The following RASSF3 variants were observed in gnomAD, a reference collection of about 807,000 sequenced individuals.
The protein encoded by RASSF3 is Ras association domain family member 3.
A neutral mutation model predicts 19.9 loss-of-function variants in RASSF3; 19 were observed. That is an observed-to-expected ratio of 0.96 (90% CI 0.67 to 1.40). The LOEUF is 1.40. Among genes scored for constraint, RASSF3 ranks in the 40% most tolerant of loss-of-function variants. The pLI, the probability that RASSF3 is intolerant of heterozygous loss-of-function variation, is 0.00. For synonymous variants in RASSF3, 110 were observed against 104.2 expected (o/e 1.06, Z -0.34); for missense variants, 306 against 289.8 (o/e 1.06, Z -0.41).
chr12:64,524,234 A>G (rs555430351), intron 1 of RASSF3, among the ~76,000 whole-genome samples: 93 of 138,940 alleles, frequency 6.7e-4, no homozygotes, highest in African/African-American at 2.7e-3. Context: ...TTATTTATTT[A>G]TTTATTTATT....
chr12:64,645,648 A>G (rs1438308618), intron 1 of RASSF3, among the ~76,000 whole-genome samples: 1 of 152,182 alleles, frequency 6.6e-6, no homozygotes, highest in African/African-American at 2.4e-5. Flanking sequence ...ATCCTTACCA[A>G]AAAAAGAGAA....
At chr12:64,587,159 A>G (rs1258160507) in intron 2 of RASSF3, among the ~76,000 whole-genome samples, 6 of 134,488 alleles carry the variant, frequency 4.5e-5, no homozygotes, top group African/African-American at 1.4e-4. Flanking sequence ...GGTTCAAGCG[A>G]TTCTCCTGTC....
At chr12:64,634,332 GA>G (rs1185727706) in intron 1 of RASSF3, among the ~76,000 whole-genome samples, 44 of 136,140 alleles carry the variant, frequency 3.2e-4, no homozygotes, top group African/African-American at 9.3e-4. Flanking sequence ...TTCCTACTTT[GA>G]AAAAAAAATT....
At chr12:64,551,495 G>C (rs1869163319) in intron 2 of RASSF3, among the ~76,000 whole-genome samples, 1 of 152,080 alleles carries the variant, frequency 6.6e-6, no homozygotes, top group Non-Finnish European at 1.5e-5. Context: ...ACGATCACTT[G>C]AACCTGGGAG....
chr12:64,660,736 G>GA (rs1032227380), intron 1 of RASSF3, among the ~76,000 whole-genome samples: 1 of 151,960 alleles, frequency 6.6e-6, no homozygotes, highest in African/African-American at 2.4e-5. Context: ...AGGAGCTTTT[G>GA]AAAAAAAATT....
chr12:64,672,269 G>A (rs1203320844), intron 1 of RASSF3, among the ~76,000 whole-genome samples: 1 of 151,634 alleles, frequency 6.6e-6, no homozygotes, highest in African/African-American at 2.4e-5. Flanking sequence ...TCTGTCACCC[G>A]GGCTGGAGTG....
intron 2 of RASSF3, among the ~76,000 whole-genome samples, chr12:64,574,298 G>A (rs1313667420): frequency 1.3e-4 from 20 of 149,908 alleles, no homozygotes; most frequent in East Asian, 2.0e-4. Flanking sequence ...GCGACAGAGC[G>A]AGACTCTGTC....
chr12:64,667,455 G>A (rs1341270077), intron 1 of RASSF3, among the ~76,000 whole-genome samples: 8 of 152,120 alleles, frequency 5.3e-5, no homozygotes, highest in Admixed American at 5.2e-4. Context: ...GCCTCCCAAA[G>A]TACTGGGATT....
chr12:64,512,435 G>A (rs1462047621), intron 1 of RASSF3, among the ~76,000 whole-genome samples: 1 of 152,040 alleles, frequency 6.6e-6, no homozygotes, highest in Non-Finnish European at 1.5e-5. Flanking sequence ...AACATGGTGA[G>A]GGCCCCATCT....
intron 2 of RASSF3, among the ~76,000 whole-genome samples, chr12:64,599,848 C>T (rs993971676): frequency 1.3e-4 from 19 of 151,506 alleles, no homozygotes; most frequent in African/African-American, 4.1e-4. Context: ...CTGGCTAACA[C>T]GGTGAAACCC....
chr12:64,634,446 G>A (rs1355492976), intron 1 of RASSF3, among the ~76,000 whole-genome samples: 1 of 151,796 alleles, frequency 6.6e-6, no homozygotes, highest in African/African-American at 2.4e-5. Flanking sequence ...TTACATGTGT[G>A]AGCCACTGCA....
chr12:64,525,677 C>T (rs149625250), intron 1 of RASSF3, among the ~76,000 whole-genome samples: 260 of 152,218 alleles, frequency 1.7e-3, no homozygotes, highest in African/African-American at 3.4e-3. Flanking sequence ...CAGTGGTGAG[C>T]GTGGGCGAAA....
intron 1 of RASSF3, among the ~76,000 whole-genome samples, chr12:64,655,531 T>G (rs540818797): frequency 6.6e-6 from 1 of 152,142 alleles, no homozygotes; most frequent in South Asian, 2.1e-4. Context: ...CCAGGCTGTC[T>G]CAAACTCCTG....
rs1018129060 is a variant in RASSF3 at position 64,635,064 on chromosome 12, C to G, written c.111+24321C>G. On this transcript the variant is annotated intron_variant, in intron 1 of 4. Coordinates refer to ENST00000542104, the MANE Select transcript of RASSF3 (RefSeq NM_178169.4). ...CACTGCAACCTCTGTCACCCTTTTC[C>G]CACCTCAGCCTCCTGAGTAGCTAGG... 3.4e-4 allele frequency among the ~76,000 whole-genome samples: 51 copies of G among 151,450 alleles called. 1 individual carries two copies. Among genetic ancestry groups the G allele is most frequent in the South Asian group, 2.1e-4 (1 of 4,818 alleles).
At chr12:64,632,490 C>G (rs1871200259) in intron 1 of RASSF3, among the ~76,000 whole-genome samples, 3 of 151,940 alleles carry the variant, frequency 2.0e-5, no homozygotes, top group Non-Finnish European at 4.4e-5. Context: ...GTAATTAGGG[C>G]TAGAAATAGG....
At chr12:64,660,010 A>G (rs964536321) in intron 1 of RASSF3, among the ~76,000 whole-genome samples, 1 of 115,638 alleles carries the variant, frequency 8.6e-6, no homozygotes, top group East Asian at 2.1e-4. Context: ...GTGCGTGTAT[A>G]TATATGTGTG....
chr12:64,511,332 A>G (rs1565828902), intron 1 of RASSF3, among the ~76,000 whole-genome samples: 1 of 152,180 alleles, frequency 6.6e-6, no homozygotes, highest in Non-Finnish European at 1.5e-5. Context: ...AAATATAAAA[A>G]TTAAGCAGAC....
At chr12:64,507,132 A>G (rs1868296881) in exon 1 of RASSF3, 1 of 398,584 alleles carries the variant, frequency 2.5e-6, no homozygotes, top group East Asian at 3.6e-5. Flanking sequence ...CTAAAGTGTC[A>G]TATGTGGGTG....
intron 1 of RASSF3, among the ~76,000 whole-genome samples, chr12:64,517,401 T>C (rs1052587761): frequency 6.6e-6 from 1 of 151,920 alleles, no homozygotes; most frequent in Non-Finnish European, 1.5e-5. Flanking sequence ...CTAAATTTCA[T>C]CTGGAAGAAT....
Sources: gnomAD v4.1 joint callset for allele counts (sites outside exome capture counted in the v4.1 genomes callset) on GRCh38, gnomAD v4.1.1 for gene constraint, MANE v1.5 for transcripts, NCBI Gene and HGNC (gene_info 2026-07-23, HGNC 2026-07-21) for gene names.